Variants in GRM8 observed in about 807,000 individuals in gnomAD.
GRM8 encodes the protein metabotropic glutamate receptor 8.
GRM8 carries 47 observed loss-of-function variants against 87.2 expected under a neutral mutation model. That is an observed-to-expected ratio of 0.54 (90% CI 0.43 to 0.69). The LOEUF is 0.69. Ranked by LOEUF, GRM8 falls within the 30% of genes least tolerant of loss-of-function variation. The pLI, the probability that GRM8 is intolerant of heterozygous loss-of-function variation, is 0.00. For synonymous variants in GRM8, 396 were observed against 404.5 expected (o/e 0.98, Z 0.25); for missense variants, 1,019 against 1,139.2 (o/e 0.89, Z 1.52).
chr7:126,894,337 TC>T (rs1286466188), intron 6 of GRM8, among the ~76,000 whole-genome samples: 1 of 152,080 alleles, frequency 6.6e-6, no homozygotes, highest in Non-Finnish European at 1.5e-5. Context: ...GCCTATATAC[TC>T]TTTTCCATTT....
chr7:126,446,023 A>G, intron 10 of GRM8, 103 bp downstream of exon 10: 2 of 1,373,280 alleles, frequency 1.5e-6, no homozygotes, highest in Non-Finnish European at 2.1e-6. Flanking sequence ...ATGCCCCTGG[A>G]AACATGTAGC....
chr7:127,106,211 C>T (rs985297210), intron 3 of GRM8, among the ~76,000 whole-genome samples: 1 of 152,148 alleles, frequency 6.6e-6, no homozygotes, highest in Non-Finnish European at 1.5e-5. Flanking sequence ...TTTACAGTGG[C>T]TCTAATGTGC....
rs955687303 is a variant in GRM8 at position 126,650,570 on chromosome 7, G to A, written c.1358-41072C>T. 3.9e-5 allele frequency among the ~76,000 whole-genome samples: 6 copies of A among 152,268 alleles called. No individual in the cohort carries two copies. The East Asian group carries it at 9.7e-4, about 25-fold the overall frequency. ...TGTGTGATTATATACTGATTGATGG[G>A]CTGTAGCCAGTGGTTTGGCTGGATG... is the stretch of plus-strand genomic sequence containing the variant. On this transcript the variant is annotated intron_variant, in intron 7 of 10. Coordinates refer to ENST00000339582, the MANE Select transcript of GRM8 (RefSeq NM_000845.3).
rs200774591 is a variant in GRM8 at position 126,744,974 on chromosome 7, T to TTGC, written c.1357+24890_1357+24891insGCA. ...TTATTAACATGTAATTGATTTATTA[T>TTGC]TATTTTTAGAATGTAACTTATTATT... On this transcript the variant is annotated intron_variant, in intron 7 of 10. Transcript: ENST00000339582. 8.0e-3 allele frequency among the ~76,000 whole-genome samples: 390 copies of TTGC among 49,016 alleles called. 3 individuals carry two copies. Among genetic ancestry groups the TTGC allele is most frequent in the African/African-American group, 0.025 (370 of 14,710 alleles). 32.2% of individuals were successfully genotyped at this position (49,016 alleles called of 152,430 possible). A position where few individuals can be genotyped will look rare whatever the true frequency, so the allele number is the denominator to read the frequency against.
At chr7:126,465,109 C>A (rs767876189) in intron 9 of GRM8, 6 of 151,718 alleles carry the variant, frequency 4.0e-5, no homozygotes, top group Non-Finnish European at 8.8e-5. Flanking sequence ...TGACCATTAT[C>A]ATGAATCAGA....
chr7:126,764,374 CAT>C lies in GRM8; in HGVS notation c.1357+5489_1357+5490del, dbSNP rs369883817. On this transcript the variant is annotated intron_variant, in intron 7 of 10. Coordinates refer to ENST00000339582, the MANE Select transcript of GRM8 (RefSeq NM_000845.3). The stretch of plus-strand genomic sequence containing the variant: ...ACATAAATTAGGCTAATATTTTTAT[CAT>C]ATGACTTTACACAATCTTATGAAAT... 6.6e-4 allele frequency among the ~76,000 whole-genome samples: 101 copies of C among 152,000 alleles called. 1 individual carries two copies. The highest frequency in any genetic ancestry group is 2.2e-3 in the African/African-American group (90 of 41,522).
At chr7:126,979,894 A>C (rs1811353627) in intron 3 of GRM8, among the ~76,000 whole-genome samples, 1 of 152,224 alleles carries the variant, frequency 6.6e-6, no homozygotes, top group Admixed American at 6.5e-5. Context: ...ACATCTGCCC[A>C]GAAGAGGCAG....
intron 2 of GRM8, among the ~76,000 whole-genome samples, chr7:127,123,333 C>A (rs923715841): frequency 6.6e-6 from 1 of 152,094 alleles, no homozygotes; most frequent in Admixed American, 6.5e-5. Context: ...GCATAATGGG[C>A]GGTGTTTGGG....
chr7:126,759,093 T>C (rs1386648103), intron 7 of GRM8, among the ~76,000 whole-genome samples: 1 of 152,004 alleles, frequency 6.6e-6, no homozygotes, highest in Non-Finnish European at 1.5e-5. Flanking sequence ...AGATGGGGTT[T>C]CACCATGTTG....
chr7:126,790,037 C>T lies in GRM8; in HGVS notation c.1157-19972G>A, dbSNP rs562415947. Among the ~76,000 whole-genome samples, 7 of 148,944 alleles carry T rather than the reference C, an allele frequency of 4.7e-5. No individual in the cohort carries two copies. In the South Asian group the frequency reaches 1.3e-3, roughly 27 times the overall value. On this transcript the variant is annotated intron_variant, in intron 6 of 10. Coordinates refer to ENST00000339582, the MANE Select transcript of GRM8 (RefSeq NM_000845.3). The stretch of plus-strand genomic sequence containing the variant: ...TCTTTTTTTTTTTTGGACAGAGTTT[C>T]GCTCTTGTCGCCCAGGCTGGAGTGC...
chr7:126,461,911 A>T (rs909788806), intron 9 of GRM8, among the ~76,000 whole-genome samples: 1 of 151,644 alleles, frequency 6.6e-6, no homozygotes, highest in Admixed American at 6.6e-5. Context: ...CTTAGAATAA[A>T]TATAAAGAGT....
chr7:126,456,623 C>CAGACATTT (rs146403284), intron 9 of GRM8, among the ~76,000 whole-genome samples: 8,912 of 145,138 alleles, frequency 0.061, 354 homozygotes, highest in Middle Eastern at 0.11. Context: ...CATAAAATAT[C>CAGACATTT]AGACATTTAG....
At chr7:126,697,631 A>G (rs1809523025) in intron 7 of GRM8, among the ~76,000 whole-genome samples, 1 of 152,078 alleles carries the variant, frequency 6.6e-6, no homozygotes, top group South Asian at 2.1e-4. Flanking sequence ...AAATGTTTAT[A>G]ACATTTACTC....
intron 7 of GRM8, among the ~76,000 whole-genome samples, chr7:126,739,981 T>C (rs1040455281): frequency 6.6e-6 from 1 of 152,078 alleles, no homozygotes; most frequent in Non-Finnish European, 1.5e-5. Context: ...TAAATACTTC[T>C]ATGATGTTTG....
intron 3 of GRM8, among the ~76,000 whole-genome samples, chr7:127,098,728 C>T (rs151338976): frequency 3.3e-4 from 51 of 152,278 alleles, no homozygotes; most frequent in African/African-American, 9.1e-4. Context: ...TGTTAATATT[C>T]GGAACATGTC....
At chr7:126,663,508 G>A (rs554936788) in intron 7 of GRM8, among the ~76,000 whole-genome samples, 3 of 152,220 alleles carry the variant, frequency 2.0e-5, no homozygotes, top group South Asian at 2.1e-4. Context: ...CAATAAATGC[G>A]ATTCACCACA....
chr7:126,917,691 T>C (rs192663000), intron 3 of GRM8, among the ~76,000 whole-genome samples: 5 of 152,318 alleles, frequency 3.3e-5, no homozygotes, highest in Admixed American at 2.6e-4. Context: ...ACTTTGCTAT[T>C]ATCTCTCAAT....
chr7:126,781,110 A>G (rs1423143821), intron 6 of GRM8, among the ~76,000 whole-genome samples: 1 of 152,172 alleles, frequency 6.6e-6, no homozygotes, highest in Non-Finnish European at 1.5e-5. Context: ...GTGCTGCTCA[A>G]TTAGATGGGC....
intron 10 of GRM8, among the ~76,000 whole-genome samples, chr7:126,441,926 T>C (rs1801513116): frequency 6.6e-6 from 1 of 152,030 alleles, no homozygotes; most frequent in South Asian, 2.1e-4. Flanking sequence ...TCCTTCTAGG[T>C]TATTATTGTG....
Sources: allele counts gnomAD v4.1 joint callset (sites outside exome capture counted in the v4.1 genomes callset), GRCh38; gene constraint gnomAD v4.1.1; transcripts MANE v1.5; gene names NCBI Gene and HGNC (gene_info 2026-07-23, HGNC 2026-07-21).